Variants in PTPRD observed in about 807,000 individuals in gnomAD.
The protein encoded by PTPRD is receptor-type tyrosine-protein phosphatase delta.
In PTPRD, 34 loss-of-function variants were observed where a neutral mutation model predicts 214.5. The ratio of observed to expected loss-of-function variants is 0.16; its 90% CI spans 0.12 to 0.21. The LOEUF is 0.21. PTPRD is among the 10% of genes least tolerant of loss of function. The pLI is 1.00. For synonymous variants in PTPRD, 1,128 were observed against 845.7 expected (o/e 1.33, Z -5.79); for missense variants, 2,545 against 2,398.7 (o/e 1.06, Z -1.27).
chr9:9,064,118 AG>A (rs2099717663), intron 10 of PTPRD, among the ~76,000 whole-genome samples: 1 of 152,198 alleles, frequency 6.6e-6, no homozygotes, highest in Admixed American at 6.5e-5. Context: ...ATCATGTTGT[AG>A]AAAAATAATT....
intron 5 of PTPRD, among the ~76,000 whole-genome samples, chr9:9,794,159 G>GTATATA (rs756391831): frequency 2.2e-5 from 1 of 46,214 alleles, no homozygotes; most frequent in Non-Finnish European, 6.2e-5. Flanking sequence ...ATATGTACAT[G>GTATATA]TATATATATA....
At chr9:8,463,853 T>C (rs540871433) in intron 32 of PTPRD, among the ~76,000 whole-genome samples, 1 of 152,014 alleles carries the variant, frequency 6.6e-6, no homozygotes, top group South Asian at 2.1e-4. Flanking sequence ...TATGGAAATT[T>C]GAGGCTTACA....
intron 2 of PTPRD, among the ~76,000 whole-genome samples, chr9:10,387,522 G>A (rs139903798): frequency 4.0e-3 from 605 of 151,902 alleles, no homozygotes; most frequent in Middle Eastern, 0.014. Flanking sequence ...TCTGGCAATG[G>A]ACCTGGCCTC....
chr9:9,805,623 A>T (rs1157167210), intron 5 of PTPRD, among the ~76,000 whole-genome samples: 2 of 152,196 alleles, frequency 1.3e-5, no homozygotes, highest in African/African-American at 4.8e-5. Flanking sequence ...TTCTTAAAGT[A>T]CACTTTTATG....
At chr9:9,396,856 A>G (rs1242291282) in intron 9 of PTPRD, among the ~76,000 whole-genome samples, 1 of 152,054 alleles carries the variant, frequency 6.6e-6, no homozygotes, top group African/African-American at 2.4e-5. Flanking sequence ...ATACCAGTTT[A>G]CCAGTACTGT....
chr9:8,436,534 CA>C, intron 35 of PTPRD, 57 bp downstream of exon 35: 4 of 1,351,002 alleles, frequency 3.0e-6, no homozygotes, highest in South Asian at 1.2e-5. Flanking sequence ...AGAATATGGT[CA>C]AAAAAAGAGA....
chr9:8,448,143 G>A (rs913929482), intron 34 of PTPRD, among the ~76,000 whole-genome samples: 5 of 151,832 alleles, frequency 3.3e-5, no homozygotes, highest in South Asian at 2.1e-4. Context: ...TGTGCAACAC[G>A]GCCAAACTCC....
intron 2 of PTPRD, among the ~76,000 whole-genome samples, chr9:10,526,596 T>A (rs2054360765): frequency 6.6e-6 from 1 of 152,122 alleles, no homozygotes; most frequent in Non-Finnish European, 1.5e-5. Flanking sequence ...AATCTCTTCA[T>A]TCTCTGATAT....
chr9:9,737,952 A>G lies in PTPRD; in HGVS notation c.-325-3381T>C, dbSNP rs1181963155. Among the ~76,000 whole-genome samples the G allele has an allele frequency of 2.0e-5, 3 of 152,236 alleles. No homozygotes were observed. In the East Asian group the frequency reaches 5.8e-4, roughly 29 times the overall value. ...TTTCACATTTCCACTAGCAAGGCAT[A>G]AGGTTTACAATTTCTCCATATCCTT... On this transcript the variant is annotated intron_variant, in intron 6 of 45. Transcript: ENST00000381196.
chr9:8,652,196 A>G (rs1186744037), intron 12 of PTPRD, among the ~76,000 whole-genome samples: 3 of 152,230 alleles, frequency 2.0e-5, no homozygotes, highest in Non-Finnish European at 4.4e-5. Context: ...GATTTTAATG[A>G]CACTATTTAC....
intron 11 of PTPRD, chr9:8,861,586 A>G (rs1369347505): frequency 1.3e-5 from 2 of 152,184 alleles, no homozygotes; most frequent in African/African-American, 4.8e-5. Flanking sequence ...AGAGAGGATA[A>G]GTAATTTGGC....
At chr9:10,200,400 T>C (rs1483411514) in intron 3 of PTPRD, among the ~76,000 whole-genome samples, 1 of 152,120 alleles carries the variant, frequency 6.6e-6, no homozygotes, top group African/African-American at 2.4e-5. Flanking sequence ...GAAGATGCTA[T>C]TGACAGTTAA....
chr9:9,342,872 C>A (rs1014608058), intron 9 of PTPRD, among the ~76,000 whole-genome samples: 3 of 152,070 alleles, frequency 2.0e-5, no homozygotes, highest in Non-Finnish European at 4.4e-5. Context: ...CCCCCTACCC[C>A]GCCAACAGGC....
At chr9:9,343,568 A>G (rs1382997000) in intron 9 of PTPRD, among the ~76,000 whole-genome samples, 1 of 152,154 alleles carries the variant, frequency 6.6e-6, no homozygotes, top group African/African-American at 2.4e-5. Flanking sequence ...TGAATTACAC[A>G]ACCTAATGAC....
In PTPRD at chr9:10,236,225, C is replaced by T. The variant is rs1479162102; in HGVS notation, c.-545+104738G>A. 2.0e-5 allele frequency among the ~76,000 whole-genome samples: 3 copies of T among 151,882 alleles called. No individual in the cohort carries two copies. In the South Asian group the frequency reaches 6.2e-4, roughly 32 times the overall value. The stretch of plus-strand genomic sequence containing the variant: ...GTCATTGCCAAGGCCATTTAAGAGA[C>T]TGAATTGGCTCAAGTTTGATACAGA... On this transcript the variant is annotated intron_variant, in intron 3 of 45. Transcript: ENST00000381196.
chr9:9,635,217 C>A (rs114382573), intron 7 of PTPRD, among the ~76,000 whole-genome samples: 163 of 152,228 alleles, frequency 1.1e-3, no homozygotes, highest in African/African-American at 3.7e-3. Flanking sequence ...AATAAAGAAA[C>A]CCCCTTATGT....
intron 8 of PTPRD, among the ~76,000 whole-genome samples, chr9:9,487,637 GC>G (rs1270660750): frequency 6.6e-6 from 1 of 151,988 alleles, no homozygotes; most frequent in Non-Finnish European, 1.5e-5. Flanking sequence ...CAATTAACAA[GC>G]CCATTATTTT....
At chr9:9,734,998 C>G (rs374696375) in intron 6 of PTPRD, among the ~76,000 whole-genome samples, 2 of 151,950 alleles carry the variant, frequency 1.3e-5, no homozygotes, top group African/African-American at 2.4e-5. Flanking sequence ...TTTTTGCTGG[C>G]TATGACAATA....
intron 11 of PTPRD, among the ~76,000 whole-genome samples, chr9:8,903,481 G>A (rs2098686764): frequency 6.6e-6 from 1 of 152,016 alleles, no homozygotes; most frequent in South Asian, 2.1e-4. Flanking sequence ...TCCTGGAGGA[G>A]GTATGCATTT....
Sources: allele counts gnomAD v4.1 joint callset (sites outside exome capture counted in the v4.1 genomes callset), GRCh38; gene constraint gnomAD v4.1.1; transcripts MANE v1.5; gene names NCBI Gene and HGNC (gene_info 2026-07-23, HGNC 2026-07-21).